The following ERC1 variants were observed in gnomAD, a reference collection of about 807,000 sequenced individuals.
ERC1 encodes RAB6 interacting protein 2.
Under a neutral mutation model 132.0 loss-of-function variants are expected in ERC1, and 56 were observed. That is an observed-to-expected ratio of 0.42 (90% CI 0.34 to 0.53). The LOEUF (loss-of-function observed/expected upper bound fraction) is 0.53, where lower values mean the gene tolerates loss of function less well. Ranked by LOEUF, ERC1 falls within the 20% of genes least tolerant of loss-of-function variation. ERC1 has a pLI of 0.03. For missense variants in ERC1, 1,202 were observed against 1,349.9 expected (o/e 0.89, Z 1.72); for synonymous variants, 478 against 476.1 (o/e 1.00, Z -0.05).
At chr12:1,444,845 C>A (rs548610053) in intron 18 of ERC1, 95 bp downstream of exon 18, 2 of 1,141,824 alleles carry the variant, frequency 1.8e-6, no homozygotes, top group East Asian at 4.9e-5. Context: ...ATCCAGTTGC[C>A]GTGTAGTTGA....
chr12:1,440,729 C>T (rs1472260386), intron 17 of ERC1, among the ~76,000 whole-genome samples: 1 of 149,348 alleles, frequency 6.7e-6, no homozygotes, highest in Non-Finnish European at 1.5e-5. Context: ...CTCACTGCAA[C>T]CTCCACCTCC....
At chr12:1,463,899 T>TA (rs200149771) in intron 18 of ERC1, among the ~76,000 whole-genome samples, 60 of 147,882 alleles carry the variant, frequency 4.1e-4, no homozygotes, top group East Asian at 3.9e-3. Context: ...AAGCTTGCTT[T>TA]AAAAAAAAAA....
intron 15 of ERC1, among the ~76,000 whole-genome samples, chr12:1,350,956 A>G (rs2084938996): frequency 6.6e-6 from 1 of 152,132 alleles, no homozygotes; most frequent in Non-Finnish European, 1.5e-5. Context: ...GTTCCCTGCA[A>G]TACCTAATGC....
intron 7 of ERC1, among the ~76,000 whole-genome samples, chr12:1,138,395 T>C (rs1265103921): frequency 6.9e-6 from 1 of 144,082 alleles, no homozygotes; most frequent in Non-Finnish European, 1.5e-5. Context: ...TAATACATAA[T>C]ATATGTTATA....
chr12:1,101,734 G>T (rs977181227), intron 3 of ERC1, among the ~76,000 whole-genome samples: 3 of 152,210 alleles, frequency 2.0e-5, no homozygotes, highest in Non-Finnish European at 2.9e-5. Context: ...ATGAATGCCT[G>T]CCACGGTGCG....
chr12:1,329,003 A>G (rs1595032578), intron 15 of ERC1, among the ~76,000 whole-genome samples: 1 of 139,716 alleles, frequency 7.2e-6, no homozygotes, highest in Non-Finnish European at 1.5e-5. Context: ...AAAAAAAAAA[A>G]GCCTTAGCGA....
In ERC1 at chr12:1,142,900, T is replaced by C. The variant is rs74921930; in HGVS notation, c.1737+1113T>C. ...GATGTGAGTTCTAAACATTTCTTCT[T>C]GTTTGGCTTATTTATTGAGATGGAG... is the stretch of plus-strand genomic sequence containing the variant. On this transcript the variant is annotated intron_variant, in intron 8 of 18. Transcript: ENST00000360905. Among the ~76,000 whole-genome samples, 13 of 152,366 alleles carry C rather than the reference T, an allele frequency of 8.5e-5. 1 individual carries two copies. The East Asian group carries it at 2.5e-3, about 29-fold the overall frequency.
chr12:1,470,692 C>T (rs1342020631), intron 18 of ERC1, among the ~76,000 whole-genome samples: 1 of 152,112 alleles, frequency 6.6e-6, no homozygotes, highest in Non-Finnish European at 1.5e-5. Flanking sequence ...TGAGATATTA[C>T]CAAATCAGCT....
chr12:1,032,159 C>T (rs970990224), intron 2 of ERC1, among the ~76,000 whole-genome samples: 1 of 151,444 alleles, frequency 6.6e-6, no homozygotes, highest in Non-Finnish European at 1.5e-5. Context: ...TCAAGCAGTT[C>T]TCCTGCCTCA....
intron 8 of ERC1, among the ~76,000 whole-genome samples, chr12:1,157,512 AAAT>A (rs1257993223): frequency 6.6e-6 from 1 of 152,184 alleles, no homozygotes; most frequent in African/African-American, 2.4e-5. Flanking sequence ...AGTATTTGTT[AAAT>A]AATCCACCCC....
At chr12:1,356,211 AAAGTGTGT>A (rs1169041223) in intron 15 of ERC1, among the ~76,000 whole-genome samples, 28 of 105,968 alleles carry the variant, frequency 2.6e-4, no homozygotes, top group African/African-American at 1.6e-3. Context: ...AAAAAAAAAA[AAAGTGTGT>A]GTGTGTGTGT....
At chr12:1,424,860 A>C (rs61913153) in intron 17 of ERC1, among the ~76,000 whole-genome samples, 9,035 of 106,734 alleles carry the variant, frequency 0.085, 427 homozygotes, top group South Asian at 0.11. Context: ...ATAGATAGAT[A>C]GATCGATAGA....
At chr12:1,148,401 C>T (rs1950563391) in intron 8 of ERC1, among the ~76,000 whole-genome samples, 1 of 151,952 alleles carries the variant, frequency 6.6e-6, no homozygotes, top group African/African-American at 2.4e-5. Context: ...ACATATCATG[C>T]AAATCTTGTA....
At chr12:1,478,649 C>T (rs1029703158) in intron 18 of ERC1, among the ~76,000 whole-genome samples, 2 of 152,034 alleles carry the variant, frequency 1.3e-5, no homozygotes, top group Non-Finnish European at 2.9e-5. Flanking sequence ...AAAAACTAGC[C>T]GGGCGTGGTG....
intron 12 of ERC1, among the ~76,000 whole-genome samples, chr12:1,229,868 AAG>A (rs1441426923): frequency 6.6e-6 from 1 of 151,890 alleles, no homozygotes; most frequent in Non-Finnish European, 1.5e-5. Flanking sequence ...TTTGAGGTGT[AAG>A]GTTAAGTTGT....
chr12:1,144,805 A>G (rs1188299873), intron 8 of ERC1, among the ~76,000 whole-genome samples: 2 of 151,940 alleles, frequency 1.3e-5, no homozygotes, highest in Non-Finnish European at 2.9e-5. Flanking sequence ...CTCTGGGTAG[A>G]TACCAGTAGT....
Position 1,402,617 on chromosome 12 carries a change from A to ACACACACACACACACACAC in ERC1, c.2926-5531_2926-5513dup, listed in dbSNP as rs199688046. Among the ~76,000 whole-genome samples the ACACACACACACACACACAC allele has an allele frequency of 8.1e-4, 110 of 135,838 alleles. 1 individual carries two copies. Among genetic ancestry groups the ACACACACACACACACACAC allele is most frequent in the African/African-American group, 2.3e-3 (83 of 36,080 alleles). The allele number at this position is 135,838 out of a possible 152,430, so 89.1% of individuals were successfully genotyped here. A position where few individuals can be genotyped will look rare whatever the true frequency, so the allele number is the denominator to read the frequency against. On this transcript the variant is annotated intron_variant, in intron 16 of 18. Coordinates refer to ENST00000360905, the MANE Select transcript of ERC1 (RefSeq NM_178040.4). The stretch of plus-strand genomic sequence containing the variant: ...AAAGAATATCTGTGTAACCCCCAAC[A>ACACACACACACACACACAC]CACACACACACACACACACACACAC...
chr12:999,559 A>AG (rs1961723518), intron 1 of ERC1, among the ~76,000 whole-genome samples: 1 of 147,682 alleles, frequency 6.8e-6, no homozygotes, highest in South Asian at 2.1e-4. Context: ...TGTTTCTATG[A>AG]GGTAGTGCAT....
At chr12:1,387,573 T>C in intron 16 of ERC1, among the ~76,000 whole-genome samples, 1 of 152,158 alleles carries the variant, frequency 6.6e-6, no homozygotes, top group Non-Finnish European at 1.5e-5. Flanking sequence ...CAAGTCCTTG[T>C]GAGAGACAGA....
Sources: gnomAD v4.1 joint callset for allele counts (sites outside exome capture counted in the v4.1 genomes callset) on GRCh38, gnomAD v4.1.1 for gene constraint, MANE v1.5 for transcripts, NCBI Gene and HGNC (gene_info 2026-07-23, HGNC 2026-07-21) for gene names.